The following FAM13B variants were observed in gnomAD, a reference collection of about 807,000 sequenced individuals.
The protein encoded by FAM13B is family with sequence similarity 13 member B.
Under a neutral mutation model 117.3 loss-of-function variants are expected in FAM13B, and 60 were observed. That is an observed-to-expected ratio of 0.51 (90% CI 0.42 to 0.63). FAM13B has a LOEUF of 0.63. Among genes scored for constraint, FAM13B ranks in the 30% least tolerant of loss-of-function variants. The pLI is 0.00. For missense variants in FAM13B, 972 were observed against 1,091.9 expected (o/e 0.89, Z 1.55); for synonymous variants, 332 against 356.1 (o/e 0.93, Z 0.76).
In FAM13B at chr5:138,032,925, G is replaced by A; in HGVS notation, c.-346C>T. On this transcript the variant is annotated 5_prime_UTR_variant, in exon 1 of 24. Transcript: ENST00000689681. ...GGGCGGCCGCTGACGGGAGGTTAAA[G>A]CTACGGCTGTGGCGCGGGGCCAGCC... 1 of 986,000 alleles carries A rather than the reference G, an allele frequency of 1.0e-6. No individual in the cohort carries two copies. Among genetic ancestry groups the A allele is most frequent in the Non-Finnish European group, 1.2e-6 (1 of 830,232 alleles). The allele number at this position is 986,000 out of a possible 1,614,324, so 61.1% of individuals were successfully genotyped here.
At chr5:137,976,655 T>A (rs1774101107) in intron 10 of FAM13B, among the ~76,000 whole-genome samples, 1 of 152,172 alleles carries the variant, frequency 6.6e-6, no homozygotes, top group African/African-American at 2.4e-5. Context: ...TTAATACTTT[T>A]ATAATTTCTT....
Position 137,987,482 on chromosome 5 carries a change from T to A in FAM13B, c.1025A>T (p.Asp342Val). The A allele has an allele frequency of 6.2e-7, 1 of 1,611,236 alleles. No homozygotes were observed. ...CNNEAESIHC[D>V]GEGSNNQIDI... ...TTACTGGTTATTAGATCCTTCCCCATCACAATGAATACTTTCTGCTTCATT... is the reference window on the plus strand; with the variant it reads ...TTACTGGTTATTAGATCCTTCCCCAACACAATGAATACTTTCTGCTTCATT... The change falls in exon 9 of 24, where the codon GAT becomes GTT. Residue 342 changes from aspartate to valine, a missense_variant. Coordinates refer to ENST00000689681, the MANE Select transcript of FAM13B (RefSeq NM_001385994.1).
At chr5:137,975,195 A>G (rs1328273458) in intron 10 of FAM13B, among the ~76,000 whole-genome samples, 2 of 152,152 alleles carry the variant, frequency 1.3e-5, no homozygotes, top group African/African-American at 4.8e-5. Context: ...GCCATGCCAT[A>G]ATACACTTGA....
At chr5:138,024,289 A>C (rs1259931184) in intron 1 of FAM13B, among the ~76,000 whole-genome samples, 1 of 152,178 alleles carries the variant, frequency 6.6e-6, no homozygotes, top group Non-Finnish European at 1.5e-5. Flanking sequence ...CCTTATAAGA[A>C]GAGGACAAGA....
chr5:137,996,844 T>C (rs1412614637), intron 7 of FAM13B, among the ~76,000 whole-genome samples: 1 of 152,138 alleles, frequency 6.6e-6, no homozygotes, highest in African/African-American at 2.4e-5. Flanking sequence ...TCCACCCTCC[T>C]TGGCCTCACA....
At chr5:137,959,343 A>G (rs1767480851) in intron 13 of FAM13B, among the ~76,000 whole-genome samples, 1 of 152,196 alleles carries the variant, frequency 6.6e-6, no homozygotes, top group Non-Finnish European at 1.5e-5. Context: ...ACAAAAACGT[A>G]TGCTGGGTGA....
At chr5:137,993,024 C>T (rs1184447365) in intron 7 of FAM13B, among the ~76,000 whole-genome samples, 1 of 152,084 alleles carries the variant, frequency 6.6e-6, no homozygotes, top group African/African-American at 2.4e-5. Context: ...GCCACAGTGA[C>T]ATGCAGCAGC....
In FAM13B at chr5:138,033,033, G is replaced by T. The variant is rs1370247345; in HGVS notation, c.-454C>A. On this transcript the variant is annotated 5_prime_UTR_variant, in exon 1 of 24. Coordinates refer to ENST00000689681, the MANE Select transcript of FAM13B (RefSeq NM_001385994.1). ...GGGAGAGAGTGGCGACAGAGGCGGC[G>T]GCTGAGGTGCAGAGCCTCCCTAACG... 3.0e-6 allele frequency: 3 copies of T among 986,784 alleles called. No homozygotes were observed. In the African/African-American group the frequency reaches 5.2e-5, roughly 17 times the overall value. 61.1% of individuals were successfully genotyped at this position (986,784 alleles called of 1,614,324 possible).
intron 17 of FAM13B, 43 bp downstream of exon 17, chr5:137,952,585 A>T (rs202091281): frequency 2.9e-5 from 39 of 1,326,086 alleles, no homozygotes; most frequent in Admixed American, 6.5e-5. Context: ...ATATAAAAAA[A>T]TTTTTAAAAT....
Position 137,949,092 on chromosome 5 carries a change from G to A in FAM13B, c.2023C>T (p.His675Tyr), listed in dbSNP as rs752331754. The change falls in exon 18 of 24, where the codon CAT becomes TAT. Residue 675 changes from histidine (H) to tyrosine (Y), a missense_variant. His to Tyr is a moderately conservative substitution (Grantham distance 83). Coordinates refer to ENST00000689681, the MANE Select transcript of FAM13B (RefSeq NM_001385994.1). ...LPKSFGSSLD[H>Y]EDEENEDEPK... is the part of the protein sequence containing the mutation. ...TCATCTTCATTCTCTTCATCTTCAT[G>A]GTCTAGAGAAGAGCCAAAGCTTTTT... is the stretch of plus-strand genomic sequence containing the variant. 1 of 1,613,964 alleles carries A rather than the reference G, an allele frequency of 6.2e-7. No individual in the cohort carries two copies. The highest frequency in any genetic ancestry group is 8.5e-7 in the Non-Finnish European group (1 of 1,179,950).
intron 1 of FAM13B, among the ~76,000 whole-genome samples, chr5:138,030,722 C>CCCA (rs1554083174): frequency 1.5e-5 from 2 of 131,940 alleles, no homozygotes; most frequent in Admixed American, 7.5e-5. Context: ...CCCCCCCCCC[C>CCCA]AAAAAAAAAA....
chr5:138,024,242 T>C (rs1322832099), intron 1 of FAM13B, among the ~76,000 whole-genome samples: 1 of 151,990 alleles, frequency 6.6e-6, no homozygotes, highest in Non-Finnish European at 1.5e-5. Flanking sequence ...GAAATCATCC[T>C]AGATTTAGGG....
At chr5:138,044,889 AC>A (rs1384998672) in intron 1 of FAM13B, among the ~76,000 whole-genome samples, 3 of 152,262 alleles carry the variant, frequency 2.0e-5, no homozygotes, top group African/African-American at 7.2e-5. Flanking sequence ...AAAATACTCA[AC>A]CACATTAGTA....
chr5:138,021,934 T>C (rs909614798), intron 1 of FAM13B, among the ~76,000 whole-genome samples: 6 of 151,922 alleles, frequency 3.9e-5, no homozygotes, highest in African/African-American at 1.4e-4. Flanking sequence ...CTGGGCAATA[T>C]AGTGAGACCC....
chr5:137,959,328 TA>T (rs1767472831), intron 13 of FAM13B, among the ~76,000 whole-genome samples: 1 of 152,200 alleles, frequency 6.6e-6, no homozygotes, highest in Non-Finnish European at 1.5e-5. Flanking sequence ...CTGATTTAAA[TA>T]TTAACAAAAA....
At chr5:137,986,431 C>CG (rs1554074517) in intron 9 of FAM13B, among the ~76,000 whole-genome samples, 4 of 54,230 alleles carry the variant, frequency 7.4e-5, no homozygotes, top group Admixed American at 4.4e-4. Flanking sequence ...CATCTTCCCC[C>CG]CCCCAAAAAA....
chr5:138,021,168 C>G lies in FAM13B; in HGVS notation c.-173G>C. ...CCTGTAGTTCCTCATTGAAGAAATG[C>G]AGAACTCGATCAGTACTTCAGCAGT... On this transcript the variant is annotated 5_prime_UTR_variant, in exon 2 of 24. Coordinates refer to ENST00000689681, the MANE Select transcript of FAM13B (RefSeq NM_001385994.1). 4.9e-6 allele frequency: 6 copies of G among 1,231,644 alleles called. No individual in the cohort carries two copies. The highest frequency in any genetic ancestry group is 6.1e-6 in the Non-Finnish European group (6 of 987,922). 76.3% of individuals were successfully genotyped at this position (1,231,644 alleles called of 1,614,324 possible).
chr5:137,947,800 G>A (rs971956379), intron 18 of FAM13B, among the ~76,000 whole-genome samples: 24 of 152,048 alleles, frequency 1.6e-4, no homozygotes, highest in Admixed American at 3.3e-4. Flanking sequence ...GGCCAGGCTG[G>A]TCTCGAACTC....
Position 137,954,226 on chromosome 5 carries a change from T to G in FAM13B, c.1658A>C (p.Gln553Pro). ...CTTTTCTGGATCATGTAGGAAACGC[T>G]GGCTTTGACCAAAATCTAAACTGCG... ...SHRSLDFGQS[Q>P]RFLHDPEKLD... Residue 553 changes from glutamine to proline, a missense_variant, in exon 15 of 24, where the codon CAG becomes CCG. Coordinates refer to ENST00000689681, the MANE Select transcript of FAM13B (RefSeq NM_001385994.1). 6.2e-7 allele frequency: 1 copy of G among 1,614,116 alleles called. No homozygotes were observed. Among genetic ancestry groups the G allele is most frequent in the South Asian group, 1.1e-5 (1 of 91,086 alleles).
Sources: allele counts gnomAD v4.1 joint callset (sites outside exome capture counted in the v4.1 genomes callset), GRCh38; gene constraint gnomAD v4.1.1; transcripts MANE v1.5; gene names NCBI Gene and HGNC (gene_info 2026-07-23, HGNC 2026-07-21).